SPIDR: variants seen among roughly 807,000 people sequenced by gnomAD.
The protein encoded by SPIDR is DNA repair-scaffolding protein.
Under a neutral mutation model 104.6 loss-of-function variants are expected in SPIDR, and 93 were observed. The observed-to-expected ratio is 0.89, with a 90% CI of 0.75 to 1.06. SPIDR has a LOEUF of 1.06. SPIDR is among the 50% of genes least tolerant of loss of function. The pLI is 0.00. For missense variants in SPIDR, 1,154 were observed against 1,111.2 expected, an observed-to-expected ratio of 1.04 and a Z score of -0.55; for synonymous variants, 431 against 416.9, an observed-to-expected ratio of 1.03 and a Z score of -0.41.
chr8:47,341,806 A>G (rs1467446768), intron 5 of SPIDR, among the ~76,000 whole-genome samples: 1 of 152,148 alleles, frequency 6.6e-6, no homozygotes, highest in Non-Finnish European at 1.5e-5. Context: ...CTTTATTGCC[A>G]TCTATTATAA....
chr8:47,505,271 C>T (rs547209023), intron 8 of SPIDR, among the ~76,000 whole-genome samples: 86 of 152,214 alleles, frequency 5.6e-4, no homozygotes, highest in African/African-American at 1.9e-3. Flanking sequence ...CCTTGAGCTG[C>T]GGTGGGCTCC....
At chr8:47,481,174 A>C (rs2076860540) in intron 8 of SPIDR, among the ~76,000 whole-genome samples, 1 of 152,224 alleles carries the variant, frequency 6.6e-6, no homozygotes. Flanking sequence ...CTTGGTCACT[A>C]TCACAGTGTT....
intron 5 of SPIDR, among the ~76,000 whole-genome samples, chr8:47,361,219 A>G (rs2055839360): frequency 6.6e-6 from 1 of 152,194 alleles, no homozygotes; most frequent in Non-Finnish European, 1.5e-5. Context: ...GGAGGAGGAA[A>G]ACTGCATTGT....
chr8:47,489,179 A>G (rs1464690168), intron 8 of SPIDR, among the ~76,000 whole-genome samples: 3 of 152,238 alleles, frequency 2.0e-5, no homozygotes, highest in East Asian at 1.9e-4. Flanking sequence ...TCAATGTGCA[A>G]AAATCACAAG....
At chr8:47,466,574 A>G (rs952993107) in intron 8 of SPIDR, among the ~76,000 whole-genome samples, 6 of 152,284 alleles carry the variant, frequency 3.9e-5, no homozygotes, top group African/African-American at 7.2e-5. Flanking sequence ...AAAGTTAGAA[A>G]GATTGGCTAG....
intron 2 of SPIDR, among the ~76,000 whole-genome samples, chr8:47,283,299 A>T (rs2038176924): frequency 6.6e-6 from 1 of 152,180 alleles, no homozygotes; most frequent in Non-Finnish European, 1.5e-5. Flanking sequence ...AAGGCAAGAG[A>T]TGGAGGAACA....
intron 5 of SPIDR, among the ~76,000 whole-genome samples, chr8:47,349,484 A>G (rs900547160): frequency 2.0e-5 from 3 of 152,166 alleles, no homozygotes; most frequent in South Asian, 2.1e-4. Flanking sequence ...ATTCTAGGAG[A>G]ACCACTGCTT....
chr8:47,440,265 G>A (rs782365627), intron 7 of SPIDR, 58 bp from the exon 8 acceptor site: 31 of 1,473,002 alleles, frequency 2.1e-5, no homozygotes, highest in Middle Eastern at 1.7e-4. Context: ...CTTTATTCAC[G>A]CTTGAACCAT....
intron 8 of SPIDR, among the ~76,000 whole-genome samples, chr8:47,572,395 G>A (rs2058623563): frequency 6.6e-6 from 1 of 152,146 alleles, no homozygotes; most frequent in South Asian, 2.1e-4. Context: ...CGGGCACGGT[G>A]GCTCATGCCT....
chr8:47,588,801 A>G (rs912103161), intron 8 of SPIDR, among the ~76,000 whole-genome samples: 1 of 152,134 alleles, frequency 6.6e-6, no homozygotes, highest in Non-Finnish European at 1.5e-5. Context: ...AATTATGTCA[A>G]GTGGTTTTTT....
chr8:47,297,823 A>G (rs1563518279), intron 5 of SPIDR, among the ~76,000 whole-genome samples: 3 of 152,142 alleles, frequency 2.0e-5, no homozygotes. Context: ...TTCCATGGTG[A>G]ATATGTGCCA....
rs575320494 is a variant in SPIDR, at chr8:47,360,898, G to A, written c.526-35478G>A. On this transcript the variant is annotated intron_variant, in intron 5 of 19. Transcript: ENST00000297423. Reference sequence around the variant, plus strand: ...CACAGACACTGCTTTGGTGCTGTTTGTGTTCATGGTAGGATAAGACTTTGA... The same window carrying A: ...CACAGACACTGCTTTGGTGCTGTTTATGTTCATGGTAGGATAAGACTTTGA... 1.0e-3 allele frequency: 998 copies of A among 985,402 alleles called. 1 individual carries two copies. The highest frequency in any genetic ancestry group is 5.1e-3 in the South Asian group (108 of 21,290). 61.0% of individuals were successfully genotyped at this position (985,402 alleles called of 1,614,324 possible).
intron 5 of SPIDR, among the ~76,000 whole-genome samples, chr8:47,296,342 A>T (rs1424455863): frequency 6.6e-6 from 1 of 152,122 alleles, no homozygotes; most frequent in African/African-American, 2.4e-5. Flanking sequence ...CTTTGCCCAG[A>T]CCAGTGTTAT....
intron 7 of SPIDR, among the ~76,000 whole-genome samples, chr8:47,414,215 G>A (rs1371848981): frequency 6.6e-6 from 1 of 152,114 alleles, no homozygotes; most frequent in Non-Finnish European, 1.5e-5. Flanking sequence ...AATTCACTAG[G>A]CGTTGTCATC....
intron 3 of SPIDR, among the ~76,000 whole-genome samples, chr8:47,290,163 C>G (rs1020307268): frequency 7.9e-5 from 12 of 152,042 alleles, no homozygotes; most frequent in East Asian, 1.9e-4. Flanking sequence ...CCTCAGCCCC[C>G]CCTGAGTAGC....
intron 6 of SPIDR, 48 bp downstream of exon 6, chr8:47,396,674 T>G: frequency 5.9e-6 from 9 of 1,514,086 alleles, no homozygotes; most frequent in Non-Finnish European, 8.0e-6. Context: ...TTCTCTTTCT[T>G]TAAAAACCCA....
chr8:47,482,358 C>G lies in SPIDR; in HGVS notation c.1097+41816C>G, dbSNP rs1206079336. 3.3e-5 allele frequency among the ~76,000 whole-genome samples: 5 copies of G among 152,172 alleles called. No homozygotes were observed. The East Asian group carries it at 9.7e-4, about 29-fold the overall frequency. ...GCTGAGGTGGGAAGATCACCTGAGC[C>G]CGGGAGCTGGAGGTTTCAGTGAGCT... On this transcript the variant is annotated intron_variant, in intron 8 of 19. Coordinates refer to ENST00000297423, the MANE Select transcript of SPIDR (RefSeq NM_001080394.4).
intron 7 of SPIDR, among the ~76,000 whole-genome samples, chr8:47,418,661 A>G (rs920526078): frequency 2.0e-5 from 3 of 152,118 alleles, no homozygotes; most frequent in Non-Finnish European, 2.9e-5. Flanking sequence ...ACTATGTTGA[A>G]TAGGAGTGGT....
chr8:47,689,873 G>T (rs1013513664), intron 11 of SPIDR, among the ~76,000 whole-genome samples: 18 of 152,068 alleles, frequency 1.2e-4, no homozygotes, highest in Non-Finnish European at 2.9e-5. Context: ...AGGGTATTTT[G>T]TTGTTTTCTT....
Sources: allele counts gnomAD v4.1 joint callset (sites outside exome capture counted in the v4.1 genomes callset), GRCh38; gene constraint gnomAD v4.1.1; transcripts MANE v1.5; gene names NCBI Gene and HGNC (gene_info 2026-07-23, HGNC 2026-07-21).